HYDIN: variants seen among roughly 807,000 people sequenced by gnomAD.
HYDIN encodes the protein HYDIN axonemal central pair apparatus protein.
HYDIN carries 132 observed loss-of-function variants against 403.9 expected under a neutral mutation model. That is an observed-to-expected ratio of 0.33 (90% CI 0.28 to 0.38). HYDIN has a LOEUF of 0.38. Ranked by LOEUF, HYDIN falls within the 10% of genes least tolerant of loss-of-function variation. The pLI is 1.00. For synonymous variants in HYDIN, 1,202 were observed against 1,891.7 expected, an observed-to-expected ratio of 0.64 and a Z score of 9.46; for missense variants, 2,827 against 5,009.5, an observed-to-expected ratio of 0.56 and a Z score of 13.15.
At chr16:71,078,774 G>A (rs577958005) in intron 13 of HYDIN, among the ~76,000 whole-genome samples, 9 of 152,240 alleles carry the variant, frequency 5.9e-5, no homozygotes, top group Middle Eastern at 3.4e-3. Flanking sequence ...CCAAAGTGGC[G>A]GGATTATAGA....
At chr16:71,218,434 A>G (rs2089005414) in intron 1 of HYDIN, among the ~76,000 whole-genome samples, 1 of 152,254 alleles carries the variant, frequency 6.6e-6, no homozygotes, top group African/African-American at 2.4e-5. Context: ...CCACTGGGTT[A>G]CGTGATTCTA....
At position 71,062,181 on chromosome 16, in the gene HYDIN, C is replaced by T; in HGVS notation, c.2364G>A (p.Gln788=). 2 of 1,389,570 alleles carry T rather than the reference C, an allele frequency of 1.4e-6. No individual in the cohort carries two copies. The highest frequency in any genetic ancestry group is 2.0e-6 in the Non-Finnish European group (2 of 1,005,166). 86.1% of individuals were successfully genotyped at this position (1,389,570 alleles called of 1,614,324 possible). A position where few individuals can be genotyped will look rare whatever the true frequency, so the allele number is the denominator to read the frequency against. The change falls in exon 17 of 86, where the codon CAG becomes CAA. Residue 788 remains glutamine (Q), a synonymous_variant. Transcript: ENST00000393567. ...STVYISIFGS[Q]DPPLVCHLKS... ...AATGGACTCTCACCAAAGGGGGGTC[C>T]TGGCTCCCAAAGATTGAGATGTAAA...
At chr16:70,884,996 T>C (rs567660233) in intron 58 of HYDIN, among the ~76,000 whole-genome samples, 1 of 152,344 alleles carries the variant, frequency 6.6e-6, no homozygotes, top group Non-Finnish European at 1.5e-5. Flanking sequence ...GGGGCATGCA[T>C]TGACAGGACT....
chr16:71,136,740 C>A (rs1348707482), intron 8 of HYDIN, among the ~76,000 whole-genome samples: 3 of 148,198 alleles, frequency 2.0e-5, no homozygotes, highest in Non-Finnish European at 4.5e-5. Context: ...GCACACCAGC[C>A]CTGGCGACAG....
intron 23 of HYDIN, among the ~76,000 whole-genome samples, chr16:71,017,057 G>A (rs1216751398): frequency 2.6e-5 from 4 of 152,054 alleles, no homozygotes; most frequent in Admixed American, 2.6e-4. Context: ...GTGTTTGGCA[G>A]GGCTGGGTAC....
At chr16:71,069,997 G>A (rs970022996) in intron 13 of HYDIN, among the ~76,000 whole-genome samples, 1 of 152,234 alleles carries the variant, frequency 6.6e-6, no homozygotes, top group Non-Finnish European at 1.5e-5. Context: ...ACATGATAGA[G>A]TGTGTCCTAG....
chr16:71,209,022 G>A (rs1043051748), intron 1 of HYDIN, among the ~76,000 whole-genome samples: 3 of 151,834 alleles, frequency 2.0e-5, no homozygotes, highest in African/African-American at 7.3e-5. Context: ...TGAAGGGGAG[G>A]GAGTCATCTC....
chr16:70,943,222 G>A (rs1409594661), intron 42 of HYDIN, among the ~76,000 whole-genome samples: 1 of 151,354 alleles, frequency 6.6e-6, no homozygotes, highest in Admixed American at 6.6e-5. Context: ...AATTCTTATG[G>A]AAAAAAAATT....
intron 43 of HYDIN, 182 bp downstream of exon 43, chr16:70,941,454 T>A: frequency 4.8e-6 from 2 of 412,810 alleles, no homozygotes; most frequent in African/African-American, 4.1e-5. Flanking sequence ...GAAGCAGGAA[T>A]GCACCTGCTG....
intron 73 of HYDIN, among the ~76,000 whole-genome samples, chr16:70,853,762 T>C (rs924705181): frequency 2.1e-5 from 3 of 144,326 alleles, no homozygotes; most frequent in African/African-American, 8.5e-5. Flanking sequence ...AGGGATCTGT[T>C]CTGTGTCTTG....
At chr16:71,222,637 G>A (rs2040854954) in intron 1 of HYDIN, among the ~76,000 whole-genome samples, 1 of 152,058 alleles carries the variant, frequency 6.6e-6, no homozygotes, top group Non-Finnish European at 1.5e-5. Context: ...AGTAAAGTCT[G>A]AGGTTACAAA....
chr16:71,012,914 C>A (rs1245407662), intron 23 of HYDIN, among the ~76,000 whole-genome samples: 1 of 142,774 alleles, frequency 7.0e-6, no homozygotes, highest in Non-Finnish European at 1.5e-5. Context: ...TTGGCGGGTG[C>A]CAGGAAGCTG....
At chr16:71,049,158 C>T (rs1412115805) in intron 18 of HYDIN, among the ~76,000 whole-genome samples, 1 of 152,268 alleles carries the variant, frequency 6.6e-6, no homozygotes, top group East Asian at 1.9e-4. Context: ...ACCTACTGGG[C>T]TCTAGGTTCT....
At chr16:70,955,212 C>G (rs549050791) in intron 40 of HYDIN, among the ~76,000 whole-genome samples, 163 bp downstream of exon 40, 2 of 151,700 alleles carry the variant, frequency 1.3e-5, no homozygotes, top group African/African-American at 4.8e-5. Flanking sequence ...AGGAATGCTT[C>G]GTGAAGAGAA....
At chr16:71,202,451 G>A (rs890861253) in intron 1 of HYDIN, among the ~76,000 whole-genome samples, 4 of 152,128 alleles carry the variant, frequency 2.6e-5, no homozygotes, top group African/African-American at 9.7e-5. Flanking sequence ...ATATTTTAAT[G>A]TAAACAAGAG....
chr16:70,886,987 TC>T (rs2041178080), intron 58 of HYDIN, among the ~76,000 whole-genome samples: 1 of 152,188 alleles, frequency 6.6e-6, no homozygotes, highest in Non-Finnish European at 1.5e-5. Flanking sequence ...ATATTTTCAG[TC>T]CCACCCTCTT....
At chr16:71,200,702 T>C (rs1221959219) in intron 1 of HYDIN, among the ~76,000 whole-genome samples, 2 of 152,198 alleles carry the variant, frequency 1.3e-5, no homozygotes, top group African/African-American at 4.8e-5. Flanking sequence ...ACAATACATG[T>C]TTTTGAAAAT....
At chr16:71,195,495 T>C (rs2087649392) in intron 1 of HYDIN, among the ~76,000 whole-genome samples, 1 of 152,206 alleles carries the variant, frequency 6.6e-6, no homozygotes. Flanking sequence ...AAATACCGTA[T>C]GACTTTGGTT....
At chr16:71,220,011 G>C (rs948024181) in intron 1 of HYDIN, among the ~76,000 whole-genome samples, 2 of 152,146 alleles carry the variant, frequency 1.3e-5, no homozygotes, top group East Asian at 3.8e-4. Flanking sequence ...TCCCAAACCA[G>C]TGCTCTTTAA....
Sources: gnomAD v4.1 joint callset for allele counts (sites outside exome capture counted in the v4.1 genomes callset) on GRCh38, gnomAD v4.1.1 for gene constraint, MANE v1.5 for transcripts, NCBI Gene and HGNC (gene_info 2026-07-23, HGNC 2026-07-21) for gene names.